Variants in CACNA1C observed in about 807,000 individuals in gnomAD.
CACNA1C encodes voltage-dependent L-type calcium channel subunit alpha-1C.
In CACNA1C, 30 loss-of-function variants were observed where a neutral mutation model predicts 229.0. The observed-to-expected ratio is 0.13, with a 90% CI of 0.10 to 0.18. The LOEUF is 0.18. Ranked by LOEUF, CACNA1C falls within the 10% of genes least tolerant of loss-of-function variation. The pLI is 1.00. For missense variants in CACNA1C, 1,658 were observed against 2,845.0 expected (o/e 0.58, Z 9.49); for synonymous variants, 1,114 against 1,132.5 (o/e 0.98, Z 0.33).
At chr12:2,581,202 A>G (rs1213889871) in intron 13 of CACNA1C, among the ~76,000 whole-genome samples, 1 of 152,172 alleles carries the variant, frequency 6.6e-6, no homozygotes, top group Non-Finnish European at 1.5e-5. Context: ...CTCTTTGGGG[A>G]AAGGTGGATC....
chr12:2,448,399 C>T (rs1332397105), intron 3 of CACNA1C, among the ~76,000 whole-genome samples: 1 of 152,172 alleles, frequency 6.6e-6, no homozygotes, highest in African/African-American at 2.4e-5. Flanking sequence ...ATTTCTGGAT[C>T]GGTGTATGTG....
intron 3 of CACNA1C, among the ~76,000 whole-genome samples, chr12:2,397,447 A>T (rs1293960855): frequency 1.3e-5 from 2 of 152,240 alleles, no homozygotes; most frequent in East Asian, 3.9e-4. Context: ...AGGAGCTTTC[A>T]CGCTCTAGGA....
intron 3 of CACNA1C, among the ~76,000 whole-genome samples, chr12:2,436,817 C>T (rs1052384021): frequency 6.6e-6 from 1 of 152,206 alleles, no homozygotes; most frequent in Non-Finnish European, 1.5e-5. Context: ...ATCTCACATA[C>T]AGGAAGCCCC....
At chr12:2,098,300 CT>C (rs1276718434) in intron 1 of CACNA1C, among the ~76,000 whole-genome samples, 1 of 152,150 alleles carries the variant, frequency 6.6e-6, no homozygotes, top group Non-Finnish European at 1.5e-5. Flanking sequence ...ATAGCTTTGA[CT>C]TTTCTAAATG....
intron 1 of CACNA1C, among the ~76,000 whole-genome samples, chr12:2,078,486 G>A (rs2064091685): frequency 6.6e-6 from 1 of 152,204 alleles, no homozygotes; most frequent in Non-Finnish European, 1.5e-5. Flanking sequence ...GGTCACAGAA[G>A]GATGAATACT....
At chr12:2,135,969 C>T (rs1257397039) in intron 3 of CACNA1C, among the ~76,000 whole-genome samples, 4 of 149,834 alleles carry the variant, frequency 2.7e-5, no homozygotes, top group African/African-American at 2.5e-5. Flanking sequence ...ACTCCGTGGG[C>T]GTAGGACCCT....
intron 3 of CACNA1C, among the ~76,000 whole-genome samples, chr12:2,163,541 G>A (rs992218855): frequency 3.3e-5 from 5 of 152,096 alleles, no homozygotes; most frequent in African/African-American, 7.2e-5. Context: ...GGTACATCCT[G>A]GGTACACTTT....
In CACNA1C at chr12:2,097,353, A is replaced by G. The variant is rs180746436; in HGVS notation, c.50-17871A>G. ...AGTAGAGACGGGGTTTCACCATGTT[A>G]GCCAGGATAGTCTCGATCTCCTGAC... On this transcript the variant is annotated intron_variant, in intron 1 of 46. Transcript: ENST00000399655. Among the ~76,000 whole-genome samples, 22 of 151,936 alleles carry G rather than the reference A, an allele frequency of 1.4e-4. No individual in the cohort carries two copies. The East Asian group carries it at 1.8e-3, about 12-fold the overall frequency.
intron 1 of CACNA1C, among the ~76,000 whole-genome samples, chr12:2,008,320 C>T (rs141828156): frequency 8.5e-4 from 129 of 151,982 alleles, no homozygotes; most frequent in Non-Finnish European, 1.5e-3. Flanking sequence ...GGTCTCACTA[C>T]GTTGCTCAGG....
chr12:2,418,606 T>G (rs1176314487), intron 3 of CACNA1C, among the ~76,000 whole-genome samples: 1 of 152,166 alleles, frequency 6.6e-6, no homozygotes, highest in Non-Finnish European at 1.5e-5. Flanking sequence ...GTTCCAGTTA[T>G]GCACCACAAG....
At chr12:2,160,099 A>G (rs2095773288) in intron 3 of CACNA1C, among the ~76,000 whole-genome samples, 3 of 152,110 alleles carry the variant, frequency 2.0e-5, no homozygotes. Flanking sequence ...CACCTGCCCT[A>G]TACGCCTCTG....
chr12:2,078,929 C>T (rs1252529879), intron 1 of CACNA1C, among the ~76,000 whole-genome samples: 3 of 152,096 alleles, frequency 2.0e-5, no homozygotes, highest in Admixed American at 6.5e-5. Flanking sequence ...CACATATACA[C>T]CATGGAATAC....
intron 1 of CACNA1C, among the ~76,000 whole-genome samples, chr12:1,985,652 C>T (rs1254760430): frequency 6.6e-6 from 1 of 152,070 alleles, no homozygotes; most frequent in African/African-American, 2.4e-5. Flanking sequence ...TTGGATTGCA[C>T]CCTGGACATT....
intron 2 of CACNA1C, 91 bp from the exon 3 acceptor site, chr12:2,120,234 T>G (rs953059858): frequency 2.5e-6 from 2 of 787,204 alleles, no homozygotes; most frequent in East Asian, 2.5e-5. Context: ...AAAATTCTTA[T>G]GAATCTTTGA....
chr12:2,044,175 G>T (rs560097591), intron 1 of CACNA1C, among the ~76,000 whole-genome samples: 1 of 152,168 alleles, frequency 6.6e-6, no homozygotes, highest in Non-Finnish European at 1.5e-5. Flanking sequence ...TGTAAACCTT[G>T]GGAGATTGAA....
intron 13 of CACNA1C, among the ~76,000 whole-genome samples, chr12:2,570,995 T>C (rs1220509486): frequency 2.0e-5 from 3 of 152,228 alleles, no homozygotes; most frequent in Non-Finnish European, 4.4e-5. Context: ...GAAATCCTTA[T>C]ATCAGCAATG....
At chr12:2,521,388 C>T (rs558255647) in intron 9 of CACNA1C, among the ~76,000 whole-genome samples, 3 of 152,272 alleles carry the variant, frequency 2.0e-5, no homozygotes, top group East Asian at 1.9e-4. Context: ...TTCCTGGGAT[C>T]GCTGGCTAGC....
intron 3 of CACNA1C, among the ~76,000 whole-genome samples, chr12:2,340,142 G>A (rs746922453): frequency 1.2e-4 from 19 of 152,148 alleles, no homozygotes; most frequent in Non-Finnish European, 2.2e-4. Context: ...AGTTTCAGCA[G>A]CACAGTGAAG....
chr12:2,093,860 C>A (rs569867675), intron 1 of CACNA1C, among the ~76,000 whole-genome samples: 7 of 152,334 alleles, frequency 4.6e-5, no homozygotes, highest in African/African-American at 1.7e-4. Flanking sequence ...GCCAGGGGAC[C>A]ACCCAATAAC....
Sources: allele counts gnomAD v4.1 joint callset (sites outside exome capture counted in the v4.1 genomes callset), GRCh38; gene constraint gnomAD v4.1.1; transcripts MANE v1.5; gene names NCBI Gene and HGNC (gene_info 2026-07-23, HGNC 2026-07-21).